Variants in CREB5 observed in about 807,000 individuals in gnomAD.
CREB5 encodes the protein cyclic AMP-responsive element-binding protein 5.
A neutral mutation model predicts 57.1 loss-of-function variants in CREB5; 19 were observed. That is an observed-to-expected ratio of 0.33 (90% CI 0.23 to 0.49). The LOEUF (loss-of-function observed/expected upper bound fraction) is 0.49, where lower values mean the gene tolerates loss of function less well. Ranked by LOEUF, CREB5 falls within the 20% of genes least tolerant of loss-of-function variation. CREB5 has a pLI of 0.99. For synonymous variants in CREB5, 238 were observed against 238.3 expected (o/e 1.00, Z 0.01); for missense variants, 579 against 671.6 (o/e 0.86, Z 1.52).
chr7:28,329,873 A>G (rs557495800), intron 1 of CREB5, among the ~76,000 whole-genome samples: 47 of 152,274 alleles, frequency 3.1e-4, no homozygotes, highest in Non-Finnish European at 1.3e-4. Context: ...TCAGAGAAGT[A>G]AAACCAAACC....
chr7:28,640,112 C>T (rs1798590641), intron 5 of CREB5, among the ~76,000 whole-genome samples: 1 of 152,092 alleles, frequency 6.6e-6, no homozygotes. Flanking sequence ...GGTGTGCCTC[C>T]TCTCCCTTCT....
chr7:28,381,173 C>T (rs1786959501), intron 1 of CREB5, among the ~76,000 whole-genome samples: 1 of 152,136 alleles, frequency 6.6e-6, no homozygotes, highest in Non-Finnish European at 1.5e-5. Context: ...AGGTATTAAT[C>T]AAGATTAGGG....
intron 1 of CREB5, among the ~76,000 whole-genome samples, chr7:28,335,013 A>G (rs182120420): frequency 1.3e-5 from 2 of 152,232 alleles, no homozygotes; most frequent in East Asian, 1.9e-4. Flanking sequence ...TTCACTGTAA[A>G]TGTACAGATT....
At chr7:28,741,885 G>T (rs1235726263) in intron 7 of CREB5, among the ~76,000 whole-genome samples, 1 of 151,874 alleles carries the variant, frequency 6.6e-6, no homozygotes, top group Non-Finnish European at 1.5e-5. Context: ...GGCCAACATG[G>T]TGAAACCCTG....
intron 5 of CREB5, among the ~76,000 whole-genome samples, chr7:28,715,531 A>G (rs948785765): frequency 6.6e-6 from 1 of 152,262 alleles, no homozygotes; most frequent in Non-Finnish European, 1.5e-5. Flanking sequence ...AGACAATGCC[A>G]TGCTTACTTT....
chr7:28,387,044 G>A (rs1290128754), intron 1 of CREB5, among the ~76,000 whole-genome samples: 1 of 152,102 alleles, frequency 6.6e-6, no homozygotes, highest in African/African-American at 2.4e-5. Flanking sequence ...ATATACACAT[G>A]CATGTATCTT....
intron 7 of CREB5, among the ~76,000 whole-genome samples, chr7:28,758,596 C>G (rs1251738912): frequency 6.6e-6 from 1 of 152,194 alleles, no homozygotes; most frequent in East Asian, 1.9e-4. Flanking sequence ...GTCACTGAGT[C>G]CTGCCCCTGT....
intron 1 of CREB5, among the ~76,000 whole-genome samples, chr7:28,375,606 A>T (rs1786807557): frequency 6.6e-6 from 1 of 152,174 alleles, no homozygotes; most frequent in Non-Finnish European, 1.5e-5. Flanking sequence ...AAAAAAGGAA[A>T]AAAAAACAGA....
chr7:28,466,715 C>T (rs779014206), intron 1 of CREB5, among the ~76,000 whole-genome samples: 9 of 152,108 alleles, frequency 5.9e-5, no homozygotes, highest in East Asian at 1.9e-4. Context: ...ACCGGAAGGG[C>T]GCTTAGACGA....
chr7:28,702,177 T>C (rs1377659479), intron 5 of CREB5, among the ~76,000 whole-genome samples: 1 of 152,198 alleles, frequency 6.6e-6, no homozygotes, highest in Non-Finnish European at 1.5e-5. Flanking sequence ...TTCAGCCTTA[T>C]TTTAATTAAA....
intron 5 of CREB5, among the ~76,000 whole-genome samples, chr7:28,647,150 C>T (rs934857009): frequency 9.9e-5 from 15 of 151,506 alleles, no homozygotes; most frequent in African/African-American, 3.6e-4. Flanking sequence ...ATCAGAGTAG[C>T]TCCAGATGAC....
At chr7:28,530,705 C>T (rs192763924) in intron 4 of CREB5, among the ~76,000 whole-genome samples, 57 of 152,232 alleles carry the variant, frequency 3.7e-4, no homozygotes, top group Admixed American at 1.0e-3. Context: ...CTTCAGATTC[C>T]GAGTCCTTTG....
intron 4 of CREB5, among the ~76,000 whole-genome samples, chr7:28,514,632 G>C (rs1183724079): frequency 1.3e-5 from 2 of 152,142 alleles, no homozygotes; most frequent in African/African-American, 4.8e-5. Context: ...CGGACCTCGT[G>C]ATCCGCCCGC....
At chr7:28,483,723 T>A (rs1791437809) in intron 1 of CREB5, among the ~76,000 whole-genome samples, 1 of 152,200 alleles carries the variant, frequency 6.6e-6, no homozygotes, top group African/African-American at 2.4e-5. Context: ...GATGCCAATG[T>A]CCATGGCAAC....
At chr7:28,306,360 A>C (rs1234407159) in intron 1 of CREB5, among the ~76,000 whole-genome samples, 2 of 151,980 alleles carry the variant, frequency 1.3e-5, no homozygotes, top group African/African-American at 4.8e-5. Context: ...GAAATATCTG[A>C]CTCTGACCTC....
At chr7:28,564,826 C>G (rs769500594) in intron 4 of CREB5, among the ~76,000 whole-genome samples, 22 of 152,158 alleles carry the variant, frequency 1.4e-4, no homozygotes, top group Admixed American at 6.5e-5. Context: ...CTCACTTCTA[C>G]AAAAGCTTAT....
At chr7:28,541,142 T>C (rs1359729760) in intron 4 of CREB5, among the ~76,000 whole-genome samples, 2 of 152,208 alleles carry the variant, frequency 1.3e-5, no homozygotes, top group African/African-American at 4.8e-5. Context: ...TGCAAAAACA[T>C]GATACAGGAG....
chr7:28,415,749 A>G (rs796144012), intron 1 of CREB5, among the ~76,000 whole-genome samples: 25 of 152,296 alleles, frequency 1.6e-4, no homozygotes, highest in African/African-American at 6.0e-4. Context: ...TTTCTCTACT[A>G]CCTGTCTTTT....
rs533782486 is a variant in CREB5 at position 28,335,860 on chromosome 7, T to C, written c.-25+36419T>C. Among the ~76,000 whole-genome samples, 13 of 152,096 alleles carry C rather than the reference T, an allele frequency of 8.5e-5. No individual in the cohort carries two copies. The South Asian group carries it at 2.7e-3, about 31-fold the overall frequency. Reference sequence around the variant, plus strand: ...GGTCTGTTGTATATGGCTTTTATTATGTTATGTTCCGTCTATACCCAGTTT... The same window carrying C: ...GGTCTGTTGTATATGGCTTTTATTACGTTATGTTCCGTCTATACCCAGTTT... On this transcript the variant is annotated intron_variant, in intron 1 of 9. Coordinates refer to the CREB5 transcript ENST00000396299.
Sources: allele counts gnomAD v4.1 joint callset (sites outside exome capture counted in the v4.1 genomes callset), GRCh38; gene constraint gnomAD v4.1.1; transcripts MANE v1.5; gene names NCBI Gene and HGNC (gene_info 2026-07-23, HGNC 2026-07-21).